Variants in SPACA3 observed in about 807,000 individuals in gnomAD.
SPACA3 encodes sperm acrosome associated 3.
In SPACA3, 21 loss-of-function variants were observed where a neutral mutation model predicts 24.5. That is an observed-to-expected ratio of 0.86 (90% CI 0.61 to 1.24). The LOEUF is 1.24. SPACA3 is among the 50% of genes most tolerant of loss of function. The pLI, the probability that SPACA3 is intolerant of heterozygous loss-of-function variation, is 0.00. For synonymous variants in SPACA3, 115 were observed against 106.9 expected (o/e 1.08, Z -0.47); for missense variants, 278 against 275.5 (o/e 1.01, Z -0.06).
intron 2 of SPACA3, among the ~76,000 whole-genome samples, chr17:32,996,488 CA>C (rs71144856): frequency 0.056 from 5,781 of 103,602 alleles, 109 homozygotes; most frequent in South Asian, 0.1. Flanking sequence ...GACTCCGTCT[CA>C]AAAAAAAAAA....
chr17:32,992,022 T>G (rs2091692761), intron 1 of SPACA3, 50 bp downstream of exon 1: 1 of 1,604,538 alleles, frequency 6.2e-7, no homozygotes, highest in Non-Finnish European at 8.5e-7. Context: ...GGCGCTGGGT[T>G]GGTCTGGCCA....
At chr17:32,997,102 C>A in intron 3 of SPACA3, 101 bp downstream of exon 3, 2 of 1,331,386 alleles carry the variant, frequency 1.5e-6, no homozygotes, top group Non-Finnish European at 2.0e-6. Context: ...AGTGAGGGTT[C>A]CCCCACATCA....
chr17:32,997,329 G>GTA lies in SPACA3; in HGVS notation c.503-115_503-114insAT, dbSNP rs1298881198. ...GCGAGTGGAGTGTGTGTGTGTGTGT[G>GTA]TGTGTGTGTGTGTGTAGAGAGAGAG... On this transcript the variant is annotated intron_variant, in intron 3 of 4. Transcript: ENST00000269053. The GTA allele has an allele frequency of 2.2e-5, 17 of 765,738 alleles. No homozygotes were observed. In the African/African-American group the frequency reaches 3.6e-4, roughly 16 times the overall value. The allele number at this position is 765,738 out of a possible 1,614,324, so 47.4% of individuals were successfully genotyped here. A position where few individuals can be genotyped will look rare whatever the true frequency, so the allele number is the denominator to read the frequency against.
At chr17:32,993,144 T>G (rs1468850729) in intron 1 of SPACA3, 1 of 367,900 alleles carries the variant, frequency 2.7e-6, no homozygotes, top group Non-Finnish European at 5.5e-6. Flanking sequence ...TTTGGGTAAA[T>G]GTGTGGCCCA....
chr17:32,997,360 G>GAGAC (rs774375446), intron 3 of SPACA3, 85 bp from the exon 4 acceptor site: 1 of 1,018,918 alleles, frequency 9.8e-7, no homozygotes, highest in Non-Finnish European at 1.5e-6. Context: ...GAGAGAGAGA[G>GAGAC]ACAGACAGAT....
intron 1 of SPACA3, among the ~76,000 whole-genome samples, chr17:32,995,066 G>A (rs1043739754): frequency 1.2e-4 from 18 of 152,324 alleles, no homozygotes; most frequent in Admixed American, 1.0e-3. Context: ...TCCCTTGACA[G>A]TTGGGCTGAG....
chr17:32,995,622 C>T lies in SPACA3; in HGVS notation c.248C>T (p.Pro83Leu), dbSNP rs575057710. ...GTCTGTCTGCTCAGCTGCCTGCTAC[C>T]CTCCAGTGAGGCCAAGCTCTACGGT... ...ALVCLLSCLL[P>L]SSEAKLYGRC... The change falls in exon 2 of 5, where the codon CCC (proline) becomes CTC (leucine). Residue 83 changes from proline (P) to leucine (L), a missense_variant. Pro to Leu is a moderately conservative substitution (Grantham distance 98). Coordinates refer to ENST00000269053, the MANE Select transcript of SPACA3 (RefSeq NM_173847.5). The T allele has an allele frequency of 1.2e-6, 2 of 1,614,226 alleles. No homozygotes were observed. The highest frequency in any genetic ancestry group is 1.1e-5 in the South Asian group (1 of 91,086).
intron 1 of SPACA3, among the ~76,000 whole-genome samples, chr17:32,993,986 G>T (rs2091707598): frequency 6.6e-6 from 1 of 152,060 alleles, no homozygotes; most frequent in Non-Finnish European, 1.5e-5. Flanking sequence ...GGGCGAGGAG[G>T]CTACTGATGA....
Position 32,995,505 on chromosome 17 carries a change from G to C in SPACA3, c.131G>C (p.Gly44Ala). The C allele has an allele frequency of 6.2e-7, 1 of 1,614,216 alleles. No homozygotes were observed. Among genetic ancestry groups the C allele is most frequent in the Non-Finnish European group, 8.5e-7 (1 of 1,180,040 alleles). ...CAAAGCTCAGCTCTGAGCCAGAGTG[G>C]TGGTGGCTCCACCTCTGCCGCCGGC... is the stretch of plus-strand genomic sequence containing the variant. ...SSQSSALSQS[G>A]GGSTSAAGIE... The change falls in exon 2 of 5, where the codon GGT (glycine) becomes GCT (alanine). Residue 44 changes from glycine to alanine, a missense_variant. Physicochemically the swap from Gly to Ala is moderately conservative, Grantham distance 60 (BLOSUM62 0). Transcript: ENST00000269053.
chr17:32,993,797 A>G (rs1169609665), intron 1 of SPACA3, among the ~76,000 whole-genome samples: 2 of 152,098 alleles, frequency 1.3e-5, no homozygotes, highest in African/African-American at 4.8e-5. Context: ...AGACTGAGAA[A>G]GTCTCTACGA....
In SPACA3 at chr17:32,995,446, T is replaced by C. The variant is rs1398937325; in HGVS notation, c.72T>C (p.Ser24=). Reference sequence around the variant, plus strand: ...GCCCTGTTTCTTCTCCTTCTGTGAGTGGACCACGGAGGCTGGTGAGCTGCC... The same window carrying C: ...GCCCTGTTTCTTCTCCTTCTGTGAGCGGACCACGGAGGCTGGTGAGCTGCC... ...HSSPVSSPSV[S]GPRRLVSCLS... The change falls in exon 2 of 5, where the codon AGT becomes AGC. Residue 24 remains serine (S), a synonymous_variant. Coordinates refer to ENST00000269053, the MANE Select transcript of SPACA3 (RefSeq NM_173847.5). The C allele has an allele frequency of 6.2e-7, 1 of 1,611,500 alleles. No homozygotes were observed. Among genetic ancestry groups the C allele is most frequent in the Non-Finnish European group, 8.5e-7 (1 of 1,178,388 alleles).
At position 32,997,017 on chromosome 17, in the gene SPACA3, C is replaced by T; in HGVS notation, c.502+16C>T. The T allele has an allele frequency of 6.7e-7, 1 of 1,497,840 alleles. No homozygotes were observed. Among genetic ancestry groups the T allele is most frequent in the Admixed American group, 2.2e-5 (1 of 44,476 alleles). 92.8% of individuals were successfully genotyped at this position (1,497,840 alleles called of 1,614,324 possible). A position where few individuals can be genotyped will look rare whatever the true frequency, so the allele number is the denominator to read the frequency against. On this transcript the variant is annotated intron_variant, in intron 3 of 4. Transcript: ENST00000269053. ...TACTGCTCAGGTAGCTGGGCCTGGG[C>T]CCAGGGCTGGCAGGAGTCAGGCCCT... is the stretch of plus-strand genomic sequence containing the variant.
intron 2 of SPACA3, among the ~76,000 whole-genome samples, chr17:32,996,155 A>G (rs779499741): frequency 1.2e-4 from 19 of 152,286 alleles, no homozygotes; most frequent in Non-Finnish European, 2.2e-4. Context: ...CACCCTCTAT[A>G]GATTCCACCT....
At chr17:32,995,384 C>T (rs1269564042) in intron 1 of SPACA3, 25 bp from the exon 2 acceptor site, 1 of 1,564,902 alleles carries the variant, frequency 6.4e-7, no homozygotes, top group Non-Finnish European at 8.7e-7. Flanking sequence ...TCTGCCCACC[C>T]CTTCTCTCCT....
At chr17:32,993,333 C>A (rs377674941) in intron 1 of SPACA3, among the ~76,000 whole-genome samples, 1 of 152,070 alleles carries the variant, frequency 6.6e-6, no homozygotes, top group Non-Finnish European at 1.5e-5. Context: ...AGCCTTCAGG[C>A]GGTGGCTAAC....
intron 2 of SPACA3, 49 bp from the exon 3 acceptor site, chr17:32,996,794 G>C (rs761853077): frequency 6.9e-7 from 1 of 1,457,146 alleles, no homozygotes; most frequent in Non-Finnish European, 9.1e-7. Context: ...CCCTGGTCTG[G>C]GGTGGCTGTA....
At chr17:32,993,728 G>T (rs1300545146) in intron 1 of SPACA3, among the ~76,000 whole-genome samples, 1 of 152,050 alleles carries the variant, frequency 6.6e-6, no homozygotes, top group Non-Finnish European at 1.5e-5. Context: ...AGAAGAGGGG[G>T]AAAGAGACAA....
chr17:32,997,021 G>C lies in SPACA3; in HGVS notation c.502+20G>C, dbSNP rs528192412. ...GCTCAGGTAGCTGGGCCTGGGCCCA[G>C]GGCTGGCAGGAGTCAGGCCCTGCAT... is the stretch of plus-strand genomic sequence containing the variant. On this transcript the variant is annotated intron_variant, in intron 3 of 4. Transcript: ENST00000269053. 6.7e-7 allele frequency: 1 copy of C among 1,495,262 alleles called. No individual in the cohort carries two copies. The highest frequency in any genetic ancestry group is 2.3e-5 in the Admixed American group (1 of 43,766). 92.6% of individuals were successfully genotyped at this position (1,495,262 alleles called of 1,614,324 possible).
chr17:32,997,028 C>G, intron 3 of SPACA3, 27 bp downstream of exon 3: 2 of 1,488,088 alleles, frequency 1.3e-6, no homozygotes, highest in Non-Finnish European at 1.8e-6. Context: ...CCAGGGCTGG[C>G]AGGAGTCAGG....
Sources: gnomAD v4.1 joint callset for allele counts (sites outside exome capture counted in the v4.1 genomes callset) on GRCh38, gnomAD v4.1.1 for gene constraint, MANE v1.5 for transcripts, NCBI Gene and HGNC (gene_info 2026-07-23, HGNC 2026-07-21) for gene names.